The following DACH1 variants were observed in gnomAD, a reference collection of about 807,000 sequenced individuals.
DACH1 encodes dachshund family transcription factor 1.
In DACH1, 12 loss-of-function variants were observed where a neutral mutation model predicts 54.2. That is an observed-to-expected ratio of 0.22 (90% CI 0.14 to 0.36). DACH1 has a LOEUF of 0.36. Among genes scored for constraint, DACH1 ranks in the 10% least tolerant of loss-of-function variants. The pLI is 1.00. For missense variants in DACH1, 805 were observed against 929.8 expected (o/e 0.87, Z 1.75); for synonymous variants, 386 against 366.2 (o/e 1.05, Z -0.62).
intron 1 of DACH1, among the ~76,000 whole-genome samples, chr13:71,742,730 T>C (rs540007519): frequency 1.1e-4 from 16 of 152,300 alleles, no homozygotes; most frequent in Middle Eastern, 3.4e-3. Context: ...ATTTTTTTTT[T>C]CTAAGACACT....
intron 1 of DACH1, among the ~76,000 whole-genome samples, chr13:71,789,329 A>C (rs1886737312): frequency 6.6e-6 from 1 of 152,258 alleles, no homozygotes; most frequent in African/African-American, 2.4e-5. Flanking sequence ...TATTTAACTG[A>C]ATATGAAGAT....
intron 1 of DACH1, among the ~76,000 whole-genome samples, chr13:71,835,594 AG>A (rs1888752576): frequency 6.6e-6 from 1 of 152,050 alleles, no homozygotes. Flanking sequence ...GGTGAAAAAA[AG>A]AGGCCCTATT....
chr13:71,762,604 T>C (rs1285816259), intron 1 of DACH1, among the ~76,000 whole-genome samples: 4 of 151,430 alleles, frequency 2.6e-5, no homozygotes, highest in Non-Finnish European at 5.9e-5. Flanking sequence ...CCGTCTCTAT[T>C]AAAAACACAA....
intron 6 of DACH1, among the ~76,000 whole-genome samples, chr13:71,514,469 T>C (rs1390962694): frequency 6.6e-6 from 1 of 151,820 alleles, no homozygotes; most frequent in Non-Finnish European, 1.5e-5. Context: ...CTACTACAAG[T>C]TCATGTAAAG....
At chr13:71,790,942 T>A (rs1429706105) in intron 1 of DACH1, among the ~76,000 whole-genome samples, 1 of 152,140 alleles carries the variant, frequency 6.6e-6, no homozygotes, top group African/African-American at 2.4e-5. Context: ...AATGATCACA[T>A]CAACAACATA....
At chr13:71,775,834 A>C (rs997248428) in intron 1 of DACH1, among the ~76,000 whole-genome samples, 2 of 152,126 alleles carry the variant, frequency 1.3e-5, no homozygotes, top group African/African-American at 4.8e-5. Flanking sequence ...TAAATAATAC[A>C]TTAAAAAATT....
intron 1 of DACH1, among the ~76,000 whole-genome samples, chr13:71,842,409 C>A (rs1163865537): frequency 2.3e-5 from 3 of 132,272 alleles, no homozygotes; most frequent in Admixed American, 7.9e-5. Context: ...AACCCCATTT[C>A]TATTAAAAAA....
intron 3 of DACH1, among the ~76,000 whole-genome samples, chr13:71,600,011 G>A (rs1874383166): frequency 6.6e-6 from 1 of 151,658 alleles, no homozygotes; most frequent in Non-Finnish European, 1.5e-5. Context: ...TAAGGAATAG[G>A]GCCAAAAAAA....
At chr13:71,822,808 C>A (rs537319633) in intron 1 of DACH1, among the ~76,000 whole-genome samples, 1 of 151,822 alleles carries the variant, frequency 6.6e-6, no homozygotes, top group African/African-American at 2.4e-5. Flanking sequence ...AGGGAGAGAA[C>A]TAAAGAAACA....
chr13:71,618,568 A>G (rs1875959536), intron 3 of DACH1, among the ~76,000 whole-genome samples: 1 of 152,024 alleles, frequency 6.6e-6, no homozygotes, highest in South Asian at 2.1e-4. Context: ...TCTATAATTA[A>G]GCTATTAAAT....
intron 6 of DACH1, among the ~76,000 whole-genome samples, chr13:71,543,149 G>T (rs1434147066): frequency 6.6e-6 from 1 of 152,128 alleles, no homozygotes; most frequent in East Asian, 1.9e-4. Context: ...TTTATGGTAT[G>T]TGAAGAATTT....
intron 2 of DACH1, among the ~76,000 whole-genome samples, chr13:71,635,406 C>G (rs1432709142): frequency 6.6e-6 from 1 of 152,120 alleles, no homozygotes; most frequent in Non-Finnish European, 1.5e-5. Flanking sequence ...AATTTCCTGT[C>G]TCTAAAAACA....
intron 6 of DACH1, among the ~76,000 whole-genome samples, chr13:71,548,230 T>G (rs1483518548): frequency 6.6e-6 from 1 of 152,212 alleles, no homozygotes; most frequent in Non-Finnish European, 1.5e-5. Context: ...AGAAAAGTCA[T>G]TATTATGTCA....
intron 1 of DACH1, among the ~76,000 whole-genome samples, chr13:71,698,708 A>T (rs1881954347): frequency 6.6e-6 from 1 of 152,152 alleles, no homozygotes; most frequent in African/African-American, 2.4e-5. Flanking sequence ...TATGTGTTAC[A>T]ACAGGTTAGA....
chr13:71,860,126 A>G lies in DACH1; in HGVS notation c.848+5796T>C, dbSNP rs918330705. 5.9e-5 allele frequency among the ~76,000 whole-genome samples: 9 copies of G among 151,852 alleles called. No homozygotes were observed. In the East Asian group the frequency reaches 1.2e-3, roughly 20 times the overall value. ...TAATGCAGTCCCAAAGCCTGAAAAT[A>G]TAAGTGTAGTCTTAGCTAGAATATT... On this transcript the variant is annotated intron_variant, in intron 1 of 10. Coordinates refer to ENST00000613252, the MANE Select transcript of DACH1 (RefSeq NM_080759.6).
intron 1 of DACH1, among the ~76,000 whole-genome samples, chr13:71,770,416 T>C (rs1594199929): frequency 1.3e-5 from 2 of 151,752 alleles, no homozygotes; most frequent in South Asian, 4.1e-4. Flanking sequence ...TATTATACAA[T>C]ATCAGCTGAA....
chr13:71,747,259 GAATT>G (rs1205680510), intron 1 of DACH1, among the ~76,000 whole-genome samples: 1 of 151,642 alleles, frequency 6.6e-6, no homozygotes, highest in East Asian at 1.9e-4. Context: ...ACACTGTACA[GAATT>G]AATAAGAAAA....
At chr13:71,521,456 T>C (rs1160857132) in intron 6 of DACH1, among the ~76,000 whole-genome samples, 1 of 152,040 alleles carries the variant, frequency 6.6e-6, no homozygotes, top group African/African-American at 2.4e-5. Flanking sequence ...TCAATACTGC[T>C]TGAATGGGAA....
chr13:71,703,687 CTA>C (rs144645406), intron 1 of DACH1, among the ~76,000 whole-genome samples: 6,657 of 152,206 alleles, frequency 0.044, 449 homozygotes, highest in African/African-American at 0.15. Flanking sequence ...CTTTCAACAC[CTA>C]TGAGTAGGGT....
Sources: gnomAD v4.1 joint callset for allele counts (sites outside exome capture counted in the v4.1 genomes callset) on GRCh38, gnomAD v4.1.1 for gene constraint, MANE v1.5 for transcripts, NCBI Gene and HGNC (gene_info 2026-07-23, HGNC 2026-07-21) for gene names.